Variants in SLCO3A1 observed in about 807,000 individuals in gnomAD.
SLCO3A1 encodes solute carrier organic anion transporter family member 3A1.
In SLCO3A1, 27 loss-of-function variants were observed where a neutral mutation model predicts 63.1. The ratio of observed to expected loss-of-function variants is 0.43; its 90% CI spans 0.32 to 0.59. SLCO3A1 has a LOEUF of 0.59. Among genes scored for constraint, SLCO3A1 ranks in the 20% least tolerant of loss-of-function variants. The pLI, the probability that SLCO3A1 is intolerant of heterozygous loss-of-function variation, is 0.09. For missense variants in SLCO3A1, 773 were observed against 945.8 expected (o/e 0.82, Z 2.40); for synonymous variants, 473 against 409.9 (o/e 1.15, Z -1.86).
intron 9 of SLCO3A1, among the ~76,000 whole-genome samples, chr15:92,159,721 G>A (rs1363413982): frequency 1.3e-5 from 2 of 151,878 alleles, no homozygotes; most frequent in Non-Finnish European, 2.9e-5. Context: ...TTGTTTAGAG[G>A]TTTTGTCATC....
chr15:92,064,748 G>A (rs573339939), intron 2 of SLCO3A1, among the ~76,000 whole-genome samples: 22 of 152,292 alleles, frequency 1.4e-4, no homozygotes, highest in Admixed American at 3.9e-4. Flanking sequence ...ACTGGAAGAC[G>A]TTATGAAATA....
intron 2 of SLCO3A1, among the ~76,000 whole-genome samples, chr15:92,011,959 T>A (rs2046373682): frequency 6.6e-6 from 1 of 152,250 alleles, no homozygotes; most frequent in African/African-American, 2.4e-5. Context: ...CTGCTGCTTC[T>A]GAGTAAACTT....
chr15:92,057,996 A>G (rs2047041613), intron 2 of SLCO3A1, among the ~76,000 whole-genome samples: 1 of 152,202 alleles, frequency 6.6e-6, no homozygotes, highest in African/African-American at 2.4e-5. Context: ...TATTGTCCCC[A>G]GATTCCCAGG....
chr15:91,867,933 G>A (rs546862395), intron 1 of SLCO3A1, among the ~76,000 whole-genome samples: 9 of 152,362 alleles, frequency 5.9e-5, no homozygotes, highest in East Asian at 1.9e-4. Flanking sequence ...GCCTGTGGCC[G>A]GCCGATCCAA....
intron 2 of SLCO3A1, among the ~76,000 whole-genome samples, chr15:92,074,781 TG>T (rs35500707): frequency 0.011 from 541 of 48,482 alleles, 5 homozygotes; most frequent in African/African-American, 0.034. Context: ...AGCAGGGCGG[TG>T]GGGGGTGGCC....
chr15:91,854,247 G>A lies in SLCO3A1; in HGVS notation c.180+159G>A. 1.8e-6 allele frequency: 2 copies of A among 1,114,434 alleles called. No individual in the cohort carries two copies. 69.0% of individuals were successfully genotyped at this position (1,114,434 alleles called of 1,614,324 possible). ...AGTGGTGCAGAGGCGGCCGCCGGGG[G>A]AGCTGCCGGCCGGGGCTGCCAGCGA... On this transcript the variant is annotated intron_variant, in intron 1 of 9. Coordinates refer to ENST00000318445, the MANE Select transcript of SLCO3A1 (RefSeq NM_013272.4). The surrounding 1 kb of genome is among the most constrained non-coding windows in gnomAD (Gnocchi z 6.4).
At chr15:91,932,700 C>T (rs1283983758) in intron 2 of SLCO3A1, among the ~76,000 whole-genome samples, 2 of 152,224 alleles carry the variant, frequency 1.3e-5, no homozygotes, top group African/African-American at 4.8e-5. Context: ...GCCTCGGCCT[C>T]CCAAAGTGCT....
intron 2 of SLCO3A1, among the ~76,000 whole-genome samples, chr15:91,981,903 A>G (rs1450228233): frequency 6.6e-6 from 1 of 152,238 alleles, no homozygotes; most frequent in Non-Finnish European, 1.5e-5. Context: ...GTTGATGCCC[A>G]TGGACCCTCA....
intron 8 of SLCO3A1, among the ~76,000 whole-genome samples, chr15:92,149,960 G>C (rs1056414238): frequency 6.6e-6 from 1 of 152,284 alleles, no homozygotes; most frequent in South Asian, 2.1e-4. Flanking sequence ...CTTGGATTTT[G>C]TAACGTGCAC....
At chr15:91,902,306 C>T (rs1470030829) in intron 1 of SLCO3A1, among the ~76,000 whole-genome samples, 1 of 152,052 alleles carries the variant, frequency 6.6e-6, no homozygotes, top group Non-Finnish European at 1.5e-5. Context: ...AAGTGATTCT[C>T]CCACCCCAGC....
chr15:91,949,247 G>A (rs1597148473), intron 2 of SLCO3A1, among the ~76,000 whole-genome samples: 1 of 152,136 alleles, frequency 6.6e-6, no homozygotes, highest in East Asian at 1.9e-4. Context: ...GTCTACCTGG[G>A]TTCAAATCCT....
rs2048057256 is a variant in SLCO3A1, at chr15:92,136,353, GA to G, written c.1512+7868del. ...GGATGTGGGGGGAAAATAACAGGCAGAAAACAACTTTATTTGCCAGTATTTT... is the reference window on the plus strand; with the variant it reads ...GGATGTGGGGGGAAAATAACAGGCAGAAACAACTTTATTTGCCAGTATTTT... On this transcript the variant is annotated intron_variant, in intron 7 of 9. Coordinates refer to ENST00000318445, the MANE Select transcript of SLCO3A1 (RefSeq NM_013272.4). Among the ~76,000 whole-genome samples the G allele has an allele frequency of 2.0e-5, 3 of 152,172 alleles. No individual in the cohort carries two copies. In the South Asian group the frequency reaches 6.2e-4, roughly 32 times the overall value.
In SLCO3A1 at chr15:91,941,349, A is replaced by G. The variant is rs1278605548; in HGVS notation, c.646+24891A>G. ...GTGCATGAGTGACCAGCTAGGACTG[A>G]GCCCAAAGACCTGAGATTCCCTGGG... On this transcript the variant is annotated intron_variant, in intron 2 of 9. Transcript: ENST00000318445. This position sits in a 1 kb window ranked among gnomAD's most constrained non-coding sequence, Gnocchi z 4.4. The G allele has an allele frequency of 5.5e-6, 2 of 362,962 alleles. No homozygotes were observed. The highest frequency in any genetic ancestry group is 5.4e-6 in the Non-Finnish European group (1 of 185,198). 22.5% of individuals were successfully genotyped at this position (362,962 alleles called of 1,614,324 possible).
At chr15:91,905,516 T>C (rs1704100468) in intron 1 of SLCO3A1, among the ~76,000 whole-genome samples, 1 of 151,424 alleles carries the variant, frequency 6.6e-6, no homozygotes, top group African/African-American at 2.5e-5. Context: ...TGCTGTGTTG[T>C]TATTTTTTTT....
rs1030243373 is a variant in SLCO3A1, at chr15:92,144,750, C to T, written c.1513-2234C>T. ...CAGGAAAGCGAATTCGGGGGAGATA[C>T]TTTCCAGCCTTAGGCGGGACAGTAG... On this transcript the variant is annotated intron_variant, in intron 7 of 9. Transcript: ENST00000318445. 2.6e-5 allele frequency among the ~76,000 whole-genome samples: 4 copies of T among 152,242 alleles called. No individual in the cohort carries two copies. In the East Asian group the frequency reaches 5.8e-4, roughly 22 times the overall value.
intron 9 of SLCO3A1, among the ~76,000 whole-genome samples, chr15:92,152,317 C>T (rs1172006151): frequency 6.6e-6 from 1 of 152,206 alleles, no homozygotes; most frequent in Non-Finnish European, 1.5e-5. Flanking sequence ...CCGTCTATAG[C>T]AAAAACTTTC....
chr15:91,859,672 G>T lies in SLCO3A1; in HGVS notation c.180+5584G>T, dbSNP rs1897003253. Among the ~76,000 whole-genome samples, 1 of 152,090 alleles carries T rather than the reference G, an allele frequency of 6.6e-6. No homozygotes were observed. Among genetic ancestry groups the T allele is most frequent in the South Asian group, 2.1e-4 (1 of 4,832 alleles). On this transcript the variant is annotated intron_variant, in intron 1 of 9. Coordinates refer to ENST00000318445, the MANE Select transcript of SLCO3A1 (RefSeq NM_013272.4). This position sits in a 1 kb window ranked among gnomAD's most constrained non-coding sequence, Gnocchi z 5.1. ...TACCTCAATTTTTCATTTTATAACT[G>T]GGGTTATAATAGTACCTACCCTCTG...
downstream of SLCO3A1, among the ~76,000 whole-genome samples, chr15:92,168,667 G>A (rs1164699499): frequency 2.0e-5 from 3 of 152,186 alleles, no homozygotes; most frequent in Non-Finnish European, 2.9e-5. Context: ...GGCATACATA[G>A]GAAGGGACCC....
Position 91,872,425 on chromosome 15 carries a change from G to A in SLCO3A1, c.180+18337G>A, listed in dbSNP as rs894473270. On this transcript the variant is annotated intron_variant, in intron 1 of 9. Coordinates refer to ENST00000318445, the MANE Select transcript of SLCO3A1 (RefSeq NM_013272.4). This position sits in a 1 kb window ranked among gnomAD's most constrained non-coding sequence, Gnocchi z 4.1. ...CAGTTGCCTGTAATCCCAGCTACTC[G>A]GCGGGCTGAGGTAGGAGAATCACTT... is the stretch of plus-strand genomic sequence containing the variant. Among the ~76,000 whole-genome samples, 22 of 152,012 alleles carry A rather than the reference G, an allele frequency of 1.4e-4. No individual in the cohort carries two copies. The highest frequency in any genetic ancestry group is 5.1e-4 in the African/African-American group (21 of 41,392).
Sources: gnomAD v4.1 joint callset for allele counts (sites outside exome capture counted in the v4.1 genomes callset) on GRCh38, gnomAD v4.1.1 for gene constraint, Gnocchi (gnomAD v3.1) non-coding constraint, MANE v1.5 for transcripts, NCBI Gene and HGNC (gene_info 2026-07-23, HGNC 2026-07-21) for gene names.